Variants in LARGE2 observed in about 807,000 individuals in gnomAD.
The protein encoded by LARGE2 is xylosyl- and glucuronyltransferase LARGE2.
A neutral mutation model predicts 75.3 loss-of-function variants in LARGE2; 63 were observed. That is an observed-to-expected ratio of 0.84 (90% CI 0.68 to 1.03). The LOEUF is 1.03. Ranked by LOEUF, LARGE2 falls within the 50% of genes least tolerant of loss-of-function variation. LARGE2 has a pLI of 0.00. For missense variants in LARGE2, 925 were observed against 980.6 expected (o/e 0.94, Z 0.76); for synonymous variants, 428 against 420.1 (o/e 1.02, Z -0.23).
intron 10 of LARGE2, 34 bp downstream of exon 10, chr11:45,926,905 C>A: frequency 6.3e-7 from 1 of 1,578,806 alleles, no homozygotes; most frequent in Non-Finnish European, 8.6e-7. Context: ...GGGGGTATGG[C>A]ATGGGCTGGG....
At chr11:45,922,137 G>T (rs563895792), upstream of LARGE2, among the ~76,000 whole-genome samples, 21 of 152,256 alleles carry the variant, frequency 1.4e-4, no homozygotes, top group Admixed American at 5.2e-4. Flanking sequence ...GCTTTGTCCT[G>T]GCGGCGCCGG....
At position 45,922,983 on chromosome 11, in the gene LARGE2, A is replaced by G; in HGVS notation, c.101A>G (p.Glu34Gly). ...CTGTTCGGTGGGGACCTGGGGTGTG[A>G]GCGCCGCGAGCCTGGCGGGCGAGCG... ...FLLFGGDLGCERREPGGRAGA... is the reference protein window; with the variant it reads ...FLLFGGDLGCGRREPGGRAGA... The change falls in exon 2 of 14, where the codon GAG becomes GGG. Residue 34 changes from glutamate (E) to glycine (G), a missense_variant. Glu to Gly is a moderately conservative substitution (Grantham distance 98). Coordinates refer to ENST00000401752, the MANE Select transcript of LARGE2 (RefSeq NM_001300721.2). 1 of 1,331,610 alleles carries G rather than the reference A, an allele frequency of 7.5e-7. No homozygotes were observed. Among genetic ancestry groups the G allele is most frequent in the Non-Finnish European group, 9.6e-7 (1 of 1,047,064 alleles). 82.5% of individuals were successfully genotyped at this position (1,331,610 alleles called of 1,614,324 possible).
chr11:45,926,872 G>A lies in LARGE2; in HGVS notation c.1325+1G>A, dbSNP rs576030248. 3 of 1,608,928 alleles carry A rather than the reference G, an allele frequency of 1.9e-6. No individual in the cohort carries two copies. The African/African-American group carries it at 4.0e-5, about 21-fold the overall frequency. On this transcript the variant is annotated splice_donor_variant, in intron 10 of 13. Coordinates refer to ENST00000401752, the MANE Select transcript of LARGE2 (RefSeq NM_001300721.2). LOFTEE classifies it high-confidence loss of function. ...TTGTGGCCCAGCTGTCCATGGACCG[G>A]TGAGGGTGCAGAGGGCAGCCCAGGG...
chr11:45,926,922 C>T (rs1196128154), intron 10 of LARGE2, 51 bp downstream of exon 10: 1 of 1,540,906 alleles, frequency 6.5e-7, no homozygotes, highest in East Asian at 2.3e-5. Flanking sequence ...TGGGGTTGGA[C>T]ACTTCTGAGA....
chr11:45,925,985 TC>T, intron 6 of LARGE2, 53 bp from the exon 7 acceptor site: 5 of 1,464,898 alleles, frequency 3.4e-6, no homozygotes, highest in Non-Finnish European at 4.7e-6. Flanking sequence ...GACCCCCATG[TC>T]CCCCAGGAGC....
chr11:45,923,270 A>G (rs1330302780), intron 2 of LARGE2, 103 bp downstream of exon 2: 1 of 1,283,582 alleles, frequency 7.8e-7, no homozygotes, highest in Non-Finnish European at 1.0e-6. Context: ...TCTGTCCAGC[A>G]CTGGCCAGCC....
At position 45,928,714 on chromosome 11, in the gene LARGE2, A is replaced by G; in HGVS notation, c.2035A>G (p.Ser679Gly). 1 of 1,614,042 alleles carries G rather than the reference A, an allele frequency of 6.2e-7. No individual in the cohort carries two copies. The highest frequency in any genetic ancestry group is 1.7e-5 in the Admixed American group (1 of 60,018). The part of the protein sequence containing the change: ...PSLDISRFRS[S>G]PTYRDCLQAL... Reference sequence around the variant, plus strand: ...CCTGGACATCTCCCGCTTCCGCTCCAGCCCCACCTATCGTGACTGCCTCCA... The same window carrying G: ...CCTGGACATCTCCCGCTTCCGCTCCGGCCCCACCTATCGTGACTGCCTCCA... The change falls in exon 14 of 14, where the codon AGC becomes GGC. Residue 679 changes from serine (S) to glycine (G), a missense_variant. Transcript: ENST00000401752.
At chr11:45,928,094 AC>A (rs2087300753) in intron 12 of LARGE2, 25 bp downstream of exon 12, 1 of 1,612,338 alleles carries the variant, frequency 6.2e-7, no homozygotes, top group African/African-American at 1.3e-5. Flanking sequence ...TTCTCTGCCC[AC>A]TCCACTCACT....
chr11:45,924,499 C>T lies in LARGE2; in HGVS notation c.493-7C>T, dbSNP rs369644747. On this transcript the variant is annotated splice_region_variant and splice_polypyrimidine_tract_variant and intron_variant, in intron 4 of 13. Transcript: ENST00000401752. Reference sequence around the variant, plus strand: ...GCCATCTCATCTCCTGCCTTTCCCCCACACAGCCCCAGGTCTCCTGGATCC... The same window carrying T: ...GCCATCTCATCTCCTGCCTTTCCCCTACACAGCCCCAGGTCTCCTGGATCC... The T allele has an allele frequency of 3.6e-5, 58 of 1,609,918 alleles. No homozygotes were observed. Among genetic ancestry groups the T allele is most frequent in the African/African-American group, 2.4e-4 (18 of 74,972 alleles).
intron 6 of LARGE2, 48 bp downstream of exon 6, chr11:45,924,937 TG>T (rs1273081786): frequency 8.2e-7 from 1 of 1,226,362 alleles, no homozygotes; most frequent in South Asian, 1.7e-5. Context: ...TGCTGGTCCT[TG>T]GGCCCCTGGG....
chr11:45,925,245 G>A (rs1364280426), intron 6 of LARGE2, among the ~76,000 whole-genome samples: 5 of 152,310 alleles, frequency 3.3e-5, no homozygotes, highest in Middle Eastern at 3.4e-3. Flanking sequence ...AGCAAGCTGG[G>A]TGCAATGGCT....
intron 7 of LARGE2, 26 bp from the exon 8 acceptor site, chr11:45,926,196 G>A: frequency 6.2e-7 from 1 of 1,612,592 alleles, no homozygotes; most frequent in Non-Finnish European, 8.5e-7. Flanking sequence ...GCTGGGGGCT[G>A]GGATGTGATG....
chr11:45,924,290 C>T lies in LARGE2; in HGVS notation c.492+13C>T. The T allele has an allele frequency of 6.2e-7, 1 of 1,611,864 alleles. No individual in the cohort carries two copies. On this transcript the variant is annotated intron_variant, in intron 4 of 13. Transcript: ENST00000401752. Reference sequence around the variant, plus strand: ...CGACCAGCTCAAGGCAGGGGCCCAGCCCTTCCCCCCTCCCCTCAGCTGTGT... The same window carrying T: ...CGACCAGCTCAAGGCAGGGGCCCAGTCCTTCCCCCCTCCCCTCAGCTGTGT...
chr11:45,923,978 T>A, intron 3 of LARGE2, among the ~76,000 whole-genome samples, 176 bp from the exon 4 acceptor site: 1 of 99,090 alleles, frequency 1.0e-5, no homozygotes. Flanking sequence ...AGAGCGAGAC[T>A]CCGTCTCAAA....
intron 4 of LARGE2, 96 bp downstream of exon 4, chr11:45,924,373 C>G (rs1029427913): frequency 1.3e-6 from 2 of 1,574,248 alleles, no homozygotes; most frequent in East Asian, 2.2e-5. Flanking sequence ...CATCAGTCCC[C>G]CCTCCACCTA....
In LARGE2 at chr11:45,926,226, T is replaced by A; in HGVS notation, c.887T>A (p.Ile296Asn). ...LPATSLADQD[I>N]FNAVIKEHPG... Reference sequence around the variant, plus strand: ...GTGATGGGTGTCTCTGCTCAGGACATCTTCAACGCTGTGATCAAGGAGCAC... The same window carrying A: ...GTGATGGGTGTCTCTGCTCAGGACAACTTCAACGCTGTGATCAAGGAGCAC... The change falls in exon 8 of 14, where the codon ATC becomes AAC. Residue 296 changes from isoleucine to asparagine, a missense_variant. By Grantham distance (149) the Ile-to-Asn change is moderately radical. This residue lies in a region of LARGE2 where 453 missense variants were observed against 460.2 expected (regional missense o/e 0.98). Transcript: ENST00000401752. 1 of 1,614,018 alleles carries A rather than the reference T, an allele frequency of 6.2e-7. No homozygotes were observed. Among genetic ancestry groups the A allele is most frequent in the African/African-American group, 1.3e-5 (1 of 75,050 alleles).
chr11:45,927,882 C>T (rs763542064), intron 11 of LARGE2, 38 bp from the exon 12 acceptor site: 11 of 1,610,150 alleles, frequency 6.8e-6, no homozygotes, highest in South Asian at 2.2e-5. Flanking sequence ...TCCTAGATGC[C>T]CCGCTCTTCT....
In LARGE2 at chr11:45,927,537, C is replaced by A. The variant is rs376421488; in HGVS notation, c.1548C>A (p.Tyr516Ter). Residue 516 changes from tyrosine (Y) to a stop codon, truncating the protein, a stop_gained, in exon 11 of 14, where the codon TAC becomes TAA. Coordinates refer to ENST00000401752, the MANE Select transcript of LARGE2 (RefSeq NM_001300721.2). LOFTEE classifies it high-confidence loss of function. ...NVALAQALTP[Y>*]VFLSDIDFLP... ...CCTTGGCCCAGGCCCTCACGCCTTACGTCTTCCTCAGTGACATTGACTTCC... is the reference window on the plus strand; with the variant it reads ...CCTTGGCCCAGGCCCTCACGCCTTAAGTCTTCCTCAGTGACATTGACTTCC... 6.2e-7 allele frequency: 1 copy of A among 1,614,176 alleles called. No individual in the cohort carries two copies. Among genetic ancestry groups the A allele is most frequent in the East Asian group, 2.2e-5 (1 of 44,886 alleles).
At chr11:45,922,614 G>A (rs1398084688), upstream of LARGE2, 1 of 291,826 alleles carries the variant, frequency 3.4e-6, no homozygotes, top group Non-Finnish European at 6.3e-6. Flanking sequence ...CAGCCCCGCT[G>A]AGGTGAAACC....
Sources: allele counts gnomAD v4.1 joint callset (sites outside exome capture counted in the v4.1 genomes callset), GRCh38; gene constraint gnomAD v4.1.1; regional missense constraint gnomAD v4.1.1; transcripts MANE v1.5; gene names NCBI Gene and HGNC (gene_info 2026-07-23, HGNC 2026-07-21).